SLC24A3: variants seen among roughly 807,000 people sequenced by gnomAD.
SLC24A3 encodes the protein solute carrier family 24 member 3.
Under a neutral mutation model 75.8 loss-of-function variants are expected in SLC24A3, and 28 were observed. The observed-to-expected ratio is 0.37, with a 90% CI of 0.27 to 0.51. SLC24A3 has a LOEUF of 0.51. Ranked by LOEUF, SLC24A3 falls within the 20% of genes least tolerant of loss-of-function variation. The pLI, the probability that SLC24A3 is intolerant of heterozygous loss-of-function variation, is 0.94. For missense variants in SLC24A3, 663 were observed against 847.8 expected (o/e 0.78, Z 2.71); for synonymous variants, 372 against 334.1 (o/e 1.11, Z -1.24).
intron 7 of SLC24A3, among the ~76,000 whole-genome samples, chr20:19,662,957 C>T (rs971115571): frequency 2.6e-5 from 4 of 152,188 alleles, no homozygotes; most frequent in Non-Finnish European, 5.9e-5. Context: ...AATTTCCAGT[C>T]TTCGGAAGAG....
At chr20:19,674,922 G>A (rs531636590) in intron 9 of SLC24A3, among the ~76,000 whole-genome samples, 24 of 152,212 alleles carry the variant, frequency 1.6e-4, no homozygotes, top group African/African-American at 2.6e-4. Flanking sequence ...GCGTGGTGGC[G>A]TGCGCCTGTA....
intron 2 of SLC24A3, among the ~76,000 whole-genome samples, chr20:19,330,113 T>G (rs1296844680): frequency 4.6e-5 from 7 of 152,228 alleles, no homozygotes; most frequent in African/African-American, 1.2e-4. Context: ...CACACTCGTC[T>G]TCTGAAACAA....
At chr20:19,678,282 G>A (rs866169112) in intron 9 of SLC24A3, among the ~76,000 whole-genome samples, 8 of 140,886 alleles carry the variant, frequency 5.7e-5, no homozygotes, top group East Asian at 4.0e-4. Context: ...CAGTAGGGGC[G>A]GCCGGGCAGA....
At chr20:19,660,678 G>C (rs1192606570) in intron 7 of SLC24A3, among the ~76,000 whole-genome samples, 1 of 151,588 alleles carries the variant, frequency 6.6e-6, no homozygotes, top group African/African-American at 2.4e-5. Context: ...TGGATTGAAG[G>C]GTAGATCTAC....
intron 2 of SLC24A3, among the ~76,000 whole-genome samples, chr20:19,294,683 T>A (rs1984020336): frequency 6.6e-6 from 1 of 152,220 alleles, no homozygotes; most frequent in South Asian, 2.1e-4. Flanking sequence ...ATCTAGCCTG[T>A]CATTGATTGG....
chr20:19,640,606 C>G (rs2032065253), intron 6 of SLC24A3, among the ~76,000 whole-genome samples: 1 of 152,050 alleles, frequency 6.6e-6, no homozygotes, highest in African/African-American at 2.4e-5. Context: ...AAAAATTAGC[C>G]AGATGTGGTG....
chr20:19,447,439 A>G (rs762089783), intron 2 of SLC24A3, among the ~76,000 whole-genome samples: 15 of 152,180 alleles, frequency 9.9e-5, no homozygotes, highest in Non-Finnish European at 1.8e-4. Context: ...CTGAATGGAC[A>G]GGTTTGCAGA....
chr20:19,619,979 T>C (rs1005615471), intron 6 of SLC24A3, among the ~76,000 whole-genome samples: 3 of 152,022 alleles, frequency 2.0e-5, no homozygotes, highest in African/African-American at 7.3e-5. Flanking sequence ...AGGGAAAAAA[T>C]CTCCTATGAC....
intron 2 of SLC24A3, among the ~76,000 whole-genome samples, chr20:19,414,988 T>G (rs569327690): frequency 1.3e-5 from 2 of 152,368 alleles, no homozygotes; most frequent in East Asian, 3.9e-4. Context: ...ATATTTATTT[T>G]TACAGCCTTA....
At chr20:19,675,544 A>G (rs1283180860) in intron 9 of SLC24A3, among the ~76,000 whole-genome samples, 2 of 152,232 alleles carry the variant, frequency 1.3e-5, no homozygotes, top group Non-Finnish European at 2.9e-5. Context: ...AGTCTACTCA[A>G]TATGGGGGCC....
chr20:19,681,475 T>C (rs934577017), intron 9 of SLC24A3, among the ~76,000 whole-genome samples: 1 of 152,164 alleles, frequency 6.6e-6, no homozygotes, highest in Admixed American at 6.5e-5. Context: ...GCCCTGGAGA[T>C]GTGGCCCAGA....
chr20:19,597,915 T>G (rs1270190467), intron 6 of SLC24A3, among the ~76,000 whole-genome samples: 1 of 152,232 alleles, frequency 6.6e-6, no homozygotes, highest in East Asian at 1.9e-4. Flanking sequence ...CATTCTTTGT[T>G]ATGGCCAAAT....
chr20:19,242,905 A>C (rs1195758362), intron 1 of SLC24A3, among the ~76,000 whole-genome samples: 2 of 152,220 alleles, frequency 1.3e-5, no homozygotes, highest in African/African-American at 4.8e-5. Context: ...GAAAAGTAAG[A>C]ATAATCTGGA....
chr20:19,441,560 G>A lies in SLC24A3; in HGVS notation c.272-73928G>A, dbSNP rs73128648. Among the ~76,000 whole-genome samples, 1,049 of 152,216 alleles carry A rather than the reference G, an allele frequency of 6.9e-3. 7 individuals carry two copies. Among genetic ancestry groups the A allele is most frequent in the Non-Finnish European group, 0.013 (869 of 67,988 alleles). ...TTTTAGAGTTACAGAAAAGTGAGTG[G>A]AAAGTATGAAAAGTCCCCATATCCC... On this transcript the variant is annotated intron_variant, in intron 2 of 16. Coordinates refer to ENST00000328041, the MANE Select transcript of SLC24A3 (RefSeq NM_020689.4).
At chr20:19,591,205 G>T (rs1163397993) in intron 6 of SLC24A3, among the ~76,000 whole-genome samples, 2 of 152,094 alleles carry the variant, frequency 1.3e-5, no homozygotes, top group South Asian at 2.1e-4. Context: ...TGTTAGCTTT[G>T]ATCTGGGCTC....
intron 2 of SLC24A3, among the ~76,000 whole-genome samples, chr20:19,471,529 G>T (rs1285956732): frequency 6.6e-6 from 1 of 152,168 alleles, no homozygotes; most frequent in Non-Finnish European, 1.5e-5. Flanking sequence ...AGATAAAATG[G>T]CTGGGTGGGA....
chr20:19,514,350 G>A (rs1462438069), intron 2 of SLC24A3, among the ~76,000 whole-genome samples: 1 of 152,068 alleles, frequency 6.6e-6, no homozygotes, highest in Non-Finnish European at 1.5e-5. Flanking sequence ...CTTGTCGGAG[G>A]GTCTGCTTTT....
intron 3 of SLC24A3, among the ~76,000 whole-genome samples, chr20:19,563,271 G>A (rs1229381043): frequency 6.6e-6 from 1 of 152,122 alleles, no homozygotes; most frequent in Non-Finnish European, 1.5e-5. Context: ...ATTCAACAGT[G>A]TGTGGTAGCT....
chr20:19,474,596 G>A (rs1987930177), intron 2 of SLC24A3, among the ~76,000 whole-genome samples: 1 of 152,068 alleles, frequency 6.6e-6, no homozygotes, highest in South Asian at 2.1e-4. Flanking sequence ...AATATTTTAG[G>A]AACATTTTTA....
Sources: allele counts gnomAD v4.1 joint callset (sites outside exome capture counted in the v4.1 genomes callset), GRCh38; gene constraint gnomAD v4.1.1; transcripts MANE v1.5; gene names NCBI Gene and HGNC (gene_info 2026-07-23, HGNC 2026-07-21).